Variants in LCMT1 observed in about 807,000 individuals in gnomAD.
LCMT1 encodes the protein leucine carboxyl methyltransferase 1, also known as [Phosphatase 2A protein]-leucine-carboxy methyltransferase 1.
LCMT1 carries 32 observed loss-of-function variants against 47.7 expected under a neutral mutation model. That is an observed-to-expected ratio of 0.67 (90% CI 0.51 to 0.90). The LOEUF is 0.90. Ranked by LOEUF, LCMT1 falls within the 40% of genes least tolerant of loss-of-function variation. LCMT1 has a pLI of 0.00. For missense variants in LCMT1, 375 were observed against 415.2 expected, an observed-to-expected ratio of 0.90 and a Z score of 0.84; for synonymous variants, 152 against 149.7, an observed-to-expected ratio of 1.02 and a Z score of -0.11.
chr16:25,145,922 C>T (rs78078136), intron 4 of LCMT1: 4,145 of 152,440 alleles, frequency 0.027, 75 homozygotes, highest in Non-Finnish European at 0.038. Flanking sequence ...GTCTCAAGTT[C>T]CTGTCCATTT....
chr16:25,129,906 C>T (rs1400781966), intron 2 of LCMT1, among the ~76,000 whole-genome samples: 1 of 152,120 alleles, frequency 6.6e-6, no homozygotes, highest in Non-Finnish European at 1.5e-5. Flanking sequence ...GTCTAGAGGA[C>T]GTGGGTCTTT....
At chr16:25,120,381 G>A (rs1184580362) in intron 1 of LCMT1, among the ~76,000 whole-genome samples, 1 of 148,100 alleles carries the variant, frequency 6.8e-6, no homozygotes, top group Non-Finnish European at 1.5e-5. Context: ...GCGCCACCAC[G>A]CCCAGCTAAT....
intron 1 of LCMT1, among the ~76,000 whole-genome samples, chr16:25,115,513 C>T (rs1448392845): frequency 1.3e-5 from 2 of 152,206 alleles, no homozygotes; most frequent in Non-Finnish European, 2.9e-5. Context: ...TTTCTCAGAT[C>T]AACTCACTCT....
At chr16:25,160,315 C>CTG (rs71156485) in intron 5 of LCMT1, among the ~76,000 whole-genome samples, 151,386 of 152,298 alleles carry the variant, frequency 0.99, 75,247 homozygotes, top group Middle Eastern at 1. Flanking sequence ...GCCTATCAAT[C>CTG]TGGTTTAGCA....
At chr16:25,177,888 C>A in intron 10 of LCMT1, 113 bp from the exon 11 acceptor site, 1 of 847,390 alleles carries the variant, frequency 1.2e-6, no homozygotes, top group Non-Finnish European at 2.0e-6. Context: ...GGCGGTGCTA[C>A]AGTGGTCAGC....
In LCMT1 at chr16:25,128,557, A is replaced by G. The variant is rs765864047; in HGVS notation, c.196A>G (p.Ile66Val). 1.3e-6 allele frequency: 2 copies of G among 1,599,042 alleles called. No homozygotes were observed. Among genetic ancestry groups the G allele is most frequent in the African/African-American group, 1.3e-5 (1 of 74,770 alleles). The part of the protein sequence containing the change: ...RLSKERKAPE[I>V]NRGYFARVHG... Reference sequence around the variant, plus strand: ...GTCTAAAGAGAGGAAAGCCCCTGAAATCAACAGAGGCAAGTGACCATCTCC... The same window carrying G: ...GTCTAAAGAGAGGAAAGCCCCTGAAGTCAACAGAGGCAAGTGACCATCTCC... Residue 66 changes from isoleucine to valine, a missense_variant, in exon 2 of 11, where the codon ATC becomes GTC. Transcript: ENST00000399069.
intron 4 of LCMT1, chr16:25,146,314 C>T (rs1960851048): frequency 6.6e-6 from 1 of 152,476 alleles, no homozygotes; most frequent in Non-Finnish European, 1.5e-5. Flanking sequence ...CAGTCAGAGC[C>T]AGGGTGCTGT....
chr16:25,140,948 CTCTAT>C (rs71156483), intron 4 of LCMT1: 13,404 of 152,184 alleles, frequency 0.088, 697 homozygotes, highest in Admixed American at 0.14. Context: ...AGATTTCACC[CTCTAT>C]TCTTAAGGAG....
chr16:25,138,969 C>T (rs1960589741), intron 3 of LCMT1, among the ~76,000 whole-genome samples: 1 of 151,888 alleles, frequency 6.6e-6, no homozygotes, highest in Non-Finnish European at 1.5e-5. Context: ...GAGACGGAGT[C>T]TCGCTTTGTC....
At chr16:25,114,251 G>A (rs1346041784) in intron 1 of LCMT1, among the ~76,000 whole-genome samples, 1 of 152,104 alleles carries the variant, frequency 6.6e-6, no homozygotes, top group Non-Finnish European at 1.5e-5. Flanking sequence ...GTCCTTCTGC[G>A]GATAAGTAGG....
chr16:25,125,541 A>G (rs1960140921), intron 1 of LCMT1, among the ~76,000 whole-genome samples: 1 of 152,090 alleles, frequency 6.6e-6, no homozygotes, highest in Non-Finnish European at 1.5e-5. Context: ...AGATTAAATA[A>G]TAGTTTTGTT....
chr16:25,164,012 T>A (rs1014620463), intron 6 of LCMT1, among the ~76,000 whole-genome samples: 1 of 152,162 alleles, frequency 6.6e-6, no homozygotes, highest in Non-Finnish European at 1.5e-5. Flanking sequence ...AGGTGGACAG[T>A]GGGCAGGCCA....
intron 8 of LCMT1, 138 bp from the exon 9 acceptor site, chr16:25,170,576 G>C: frequency 1.5e-6 from 1 of 647,058 alleles, no homozygotes; most frequent in Non-Finnish European, 2.7e-6. Context: ...GCTGCAGTGA[G>C]CTGTGATCAC....
intron 9 of LCMT1, among the ~76,000 whole-genome samples, chr16:25,172,001 A>G (rs277887): frequency 0.26 from 38,831 of 152,058 alleles, 5,051 homozygotes; most frequent in East Asian, 0.34. Context: ...GAGGGTTGCC[A>G]TATCCCATTT....
intron 3 of LCMT1, among the ~76,000 whole-genome samples, chr16:25,137,664 G>A (rs1010874351): frequency 1.3e-5 from 2 of 151,800 alleles, no homozygotes; most frequent in Non-Finnish European, 2.9e-5. Flanking sequence ...GGCTGGTCTC[G>A]AACTTCTGGG....
At chr16:25,171,393 CAG>C (rs1961764014) in intron 9 of LCMT1, among the ~76,000 whole-genome samples, 1 of 151,984 alleles carries the variant, frequency 6.6e-6, no homozygotes, top group African/African-American at 2.4e-5. Flanking sequence ...GCCTGTGCGA[CAG>C]AGCAAGACTG....
intron 1 of LCMT1, among the ~76,000 whole-genome samples, chr16:25,112,504 G>T (rs1200203704): frequency 1.3e-5 from 2 of 152,212 alleles, no homozygotes; most frequent in African/African-American, 2.4e-5. Flanking sequence ...ACTGTTAAGG[G>T]TGTGGTGGTG....
At chr16:25,121,972 CTGT>C (rs1960004175) in intron 1 of LCMT1, among the ~76,000 whole-genome samples, 2 of 152,178 alleles carry the variant, frequency 1.3e-5, no homozygotes, top group Admixed American at 6.6e-5. Flanking sequence ...GGCCACTCTT[CTGT>C]TGTTCATCAT....
intron 3 of LCMT1, among the ~76,000 whole-genome samples, chr16:25,134,067 A>ATTTTT (rs993954679): frequency 7.1e-6 from 1 of 140,682 alleles, no homozygotes; most frequent in Non-Finnish European, 1.6e-5. Flanking sequence ...CACTAATTGC[A>ATTTTT]TTTTTTTTTT....
Sources: allele counts gnomAD v4.1 joint callset (sites outside exome capture counted in the v4.1 genomes callset), GRCh38; gene constraint gnomAD v4.1.1; transcripts MANE v1.5; gene names NCBI Gene and HGNC (gene_info 2026-07-23, HGNC 2026-07-21).